FAM81A: variants seen among roughly 807,000 people sequenced by gnomAD.
The protein encoded by FAM81A is protein FAM81A.
FAM81A carries 19 observed loss-of-function variants against 46.7 expected under a neutral mutation model. The ratio of observed to expected loss-of-function variants is 0.41; its 90% CI spans 0.28 to 0.60. FAM81A has a LOEUF of 0.60. Among genes scored for constraint, FAM81A ranks in the 20% least tolerant of loss-of-function variants. The pLI is 0.34. For missense variants in FAM81A, 377 were observed against 453.5 expected, an observed-to-expected ratio of 0.83 and a Z score of 1.53; for synonymous variants, 183 against 152.9, an observed-to-expected ratio of 1.20 and a Z score of -1.45.
At position 59,521,861 on chromosome 15, in the gene FAM81A, T is replaced by C. The variant is rs1350693994; in HGVS notation, c.*483T>C. On this transcript the variant is annotated 3_prime_UTR_variant, in exon 9 of 9. Transcript: ENST00000288228. ...AGTCCAATTTGGATTTTATTATCGT[T>C]GTCTATGCACTTCTTATATTGGTTA... The C allele has an allele frequency of 3.3e-5, 5 of 152,398 alleles. No homozygotes were observed. The highest frequency in any genetic ancestry group is 1.2e-4 in the African/African-American group (5 of 41,462). 9.4% of individuals were successfully genotyped at this position (152,398 alleles called of 1,614,324 possible). A position where few individuals can be genotyped will look rare whatever the true frequency, so the allele number is the denominator to read the frequency against.
intron 3 of FAM81A, among the ~76,000 whole-genome samples, chr15:59,479,283 C>CGTGCAGATCACGAGGTCAGGA (rs1306292486): frequency 2.9e-4 from 44 of 151,908 alleles, no homozygotes; most frequent in Non-Finnish European, 1.0e-4. Context: ...GAGGCCGAGG[C>CGTGCAGATCACGAGGTCAGGA]GTGCAGATCA....
At chr15:59,516,624 A>C (rs769711270) in intron 7 of FAM81A, 21 bp from the exon 8 acceptor site, 1 of 1,600,666 alleles carries the variant, frequency 6.2e-7, no homozygotes, top group South Asian at 1.1e-5. Context: ...GATTAAGTGC[A>C]GTTCTTATCA....
chr15:59,415,399 T>A (rs1446309921), intron 2 of FAM81A, among the ~76,000 whole-genome samples: 1 of 152,220 alleles, frequency 6.6e-6, no homozygotes, highest in Non-Finnish European at 1.5e-5. Context: ...ATTACAGGCG[T>A]GAGCCACCGC....
intron 3 of FAM81A, among the ~76,000 whole-genome samples, chr15:59,472,409 A>G (rs1407482718): frequency 2.0e-5 from 3 of 152,192 alleles, no homozygotes; most frequent in South Asian, 2.1e-4. Context: ...AAGACTGGAA[A>G]TGGCCATAGT....
At chr15:59,521,211 T>A (rs934880116) in intron 8 of FAM81A, 43 bp from the exon 9 acceptor site, 31 of 1,583,030 alleles carry the variant, frequency 2.0e-5, no homozygotes, top group African/African-American at 4.1e-5. Flanking sequence ...TACAGCATTT[T>A]AAAAAAATTG....
At chr15:59,516,126 GT>G (rs540042022) in intron 7 of FAM81A, among the ~76,000 whole-genome samples, 238 of 136,524 alleles carry the variant, frequency 1.7e-3, no homozygotes, top group South Asian at 3.3e-3. Flanking sequence ...GAATGTAGTG[GT>G]TTTTTTTTTT....
chr15:59,468,150 GAT>G (rs2081638738), intron 3 of FAM81A, among the ~76,000 whole-genome samples: 1 of 152,200 alleles, frequency 6.6e-6, no homozygotes, highest in African/African-American at 2.4e-5. Context: ...GTTCATCAGG[GAT>G]ATTGGCCTAA....
At chr15:59,503,343 A>G (rs1410211305) in intron 4 of FAM81A, among the ~76,000 whole-genome samples, 4 of 134,406 alleles carry the variant, frequency 3.0e-5, no homozygotes, top group African/African-American at 1.2e-4. Context: ...CTTTTCTCAT[A>G]AGTAATAATA....
chr15:59,460,830 A>C lies in FAM81A; in HGVS notation c.294+624A>C, dbSNP rs963108578. Among the ~76,000 whole-genome samples the C allele has an allele frequency of 2.1e-4, 32 of 152,210 alleles. No homozygotes were observed. The highest frequency in any genetic ancestry group is 7.7e-4 in the African/African-American group (32 of 41,458). ...ATCATTTAGGGCTTGGGTTTCCCTC[A>C]CTACGCAATGTTCATATCTTTCACA... is the stretch of plus-strand genomic sequence containing the variant. On this transcript the variant is annotated intron_variant, in intron 3 of 8. Transcript: ENST00000288228. This position sits in a 1 kb window ranked among gnomAD's most constrained non-coding sequence, Gnocchi z 4.4.
At chr15:59,453,764 A>G (rs1005805153) in intron 1 of FAM81A, among the ~76,000 whole-genome samples, 5 of 152,076 alleles carry the variant, frequency 3.3e-5, no homozygotes, top group African/African-American at 1.2e-4. Context: ...GAGAGGAGGC[A>G]GGGAGAAGGT....
chr15:59,401,918 A>G, intron 1 of FAM81A: 1 of 759,018 alleles, frequency 1.3e-6, no homozygotes, highest in South Asian at 1.4e-5. Context: ...GAGCCTCTCG[A>G]CTTTCTTTCT....
chr15:59,483,913 G>A (rs2081885640), intron 3 of FAM81A, among the ~76,000 whole-genome samples: 1 of 152,204 alleles, frequency 6.6e-6, no homozygotes, highest in African/African-American at 2.4e-5. Flanking sequence ...AGGTTGTAGG[G>A]GCGGGCTCGT....
intron 3 of FAM81A, among the ~76,000 whole-genome samples, chr15:59,486,007 C>T (rs35195175): frequency 0.012 from 1,811 of 152,218 alleles, 27 homozygotes; most frequent in Admixed American, 0.036. Flanking sequence ...GATGAAACCC[C>T]ATCTGTACTA....
At chr15:59,518,922 C>T (rs2082296071) in intron 8 of FAM81A, among the ~76,000 whole-genome samples, 2 of 146,724 alleles carry the variant, frequency 1.4e-5, no homozygotes, top group South Asian at 2.2e-4. Context: ...TATCATCTCA[C>T]AGGTATTTGT....
At chr15:59,454,378 G>A (rs1406709296) in intron 1 of FAM81A, among the ~76,000 whole-genome samples, 2 of 152,024 alleles carry the variant, frequency 1.3e-5, no homozygotes, top group African/African-American at 2.4e-5. Context: ...TGGTATGGCA[G>A]GTTTTTCTAC....
upstream of FAM81A, among the ~76,000 whole-genome samples, chr15:59,437,964 A>G (rs1355549561): frequency 2.0e-5 from 3 of 151,746 alleles, no homozygotes; most frequent in African/African-American, 7.3e-5. Context: ...TGTGGGAACG[A>G]GGAGGGAGGA....
At chr15:59,493,940 A>G (rs1022605965) in intron 4 of FAM81A, among the ~76,000 whole-genome samples, 23 of 151,468 alleles carry the variant, frequency 1.5e-4, no homozygotes, top group Admixed American at 1.3e-3. Context: ...CTGAAGTGTC[A>G]CCCCCTCTGG....
chr15:59,434,870 T>A (rs2081236210), upstream of FAM81A, among the ~76,000 whole-genome samples: 1 of 152,242 alleles, frequency 6.6e-6, no homozygotes, highest in African/African-American at 2.4e-5. Flanking sequence ...CACAAGCCCT[T>A]GACCTCTACC....
In FAM81A at chr15:59,459,991, G is replaced by A; in HGVS notation, c.79G>A (p.Val27Ile). ...CCTGACCATGGCACCATACTCATCTGTAAGCCTCGTGGAGCAGCTGGAAGA... is the reference window on the plus strand; with the variant it reads ...CCTGACCATGGCACCATACTCATCTATAAGCCTCGTGGAGCAGCTGGAAGA... Reference protein sequence around the residue: ...QSLTMAPYSSVSLVEQLEDRI... With the variant: ...QSLTMAPYSSISLVEQLEDRI... Residue 27 changes from valine to isoleucine, a missense_variant, in exon 3 of 9, where the codon GTA becomes ATA. Val to Ile is a conservative substitution (Grantham distance 29). Transcript: ENST00000288228. The A allele has an allele frequency of 6.2e-7, 1 of 1,612,856 alleles. No homozygotes were observed. Among genetic ancestry groups the A allele is most frequent in the Non-Finnish European group, 8.5e-7 (1 of 1,179,392 alleles).
Sources: gnomAD v4.1 joint callset for allele counts (sites outside exome capture counted in the v4.1 genomes callset) on GRCh38, gnomAD v4.1.1 for gene constraint, Gnocchi (gnomAD v3.1) non-coding constraint, MANE v1.5 for transcripts, NCBI Gene and HGNC (gene_info 2026-07-23, HGNC 2026-07-21) for gene names.